Variants in PIRT observed in about 807,000 individuals in gnomAD.
PIRT encodes the protein phosphoinositide-interacting protein.
PIRT carries 6 observed loss-of-function variants against 7.9 expected under a neutral mutation model. The ratio of observed to expected loss-of-function variants is 0.76; its 90% CI spans 0.42 to 1.51. The LOEUF (loss-of-function observed/expected upper bound fraction) is 1.51, where lower values mean the gene tolerates loss of function less well. PIRT is among the 40% of genes most tolerant of loss of function. The pLI is 0.01. For synonymous variants in PIRT, 78 were observed against 71.8 expected (o/e 1.09, Z -0.44); for missense variants, 170 against 172.9 (o/e 0.98, Z 0.09).
At chr17:10,835,191 C>A (rs1905558631) in intron 1 of PIRT, among the ~76,000 whole-genome samples, 1 of 152,184 alleles carries the variant, frequency 6.6e-6, no homozygotes. Context: ...TCCAATGTAC[C>A]TCAGCTGCTT....
At chr17:10,826,552 C>G (rs1270043453) in intron 1 of PIRT, among the ~76,000 whole-genome samples, 1 of 152,242 alleles carries the variant, frequency 6.6e-6, no homozygotes, top group Non-Finnish European at 1.5e-5. Flanking sequence ...GACACTGCAT[C>G]AAACACTTCC....
intron 1 of PIRT, among the ~76,000 whole-genome samples, chr17:10,836,103 A>G (rs1905584488): frequency 6.6e-6 from 1 of 152,082 alleles, no homozygotes; most frequent in African/African-American, 2.4e-5. Flanking sequence ...GGATTTTGCC[A>G]TGTTGGCCAG....
chr17:10,832,203 T>G (rs1474668637), intron 1 of PIRT, among the ~76,000 whole-genome samples: 10 of 152,108 alleles, frequency 6.6e-5, no homozygotes, highest in African/African-American at 1.9e-4. Context: ...TGATTCTTTT[T>G]TTTTTTGAGT....
chr17:10,832,198 C>T (rs1429085978), intron 1 of PIRT, among the ~76,000 whole-genome samples: 1 of 147,788 alleles, frequency 6.8e-6, no homozygotes, highest in South Asian at 2.2e-4. Context: ...CGTTCTGATT[C>T]TTTTTTTTTT....
intron 1 of PIRT, among the ~76,000 whole-genome samples, chr17:10,833,999 C>T (rs2151535863): frequency 6.6e-6 from 1 of 152,136 alleles, no homozygotes; most frequent in South Asian, 2.1e-4. Flanking sequence ...GAACGTGGAA[C>T]AACCCGAGCT....
At chr17:10,830,606 C>G (rs867626954) in intron 1 of PIRT, among the ~76,000 whole-genome samples, 1 of 152,152 alleles carries the variant, frequency 6.6e-6, no homozygotes, top group Non-Finnish European at 1.5e-5. Context: ...TATTTTCTTT[C>G]TGGGTCTCTG....
At chr17:10,830,830 G>A (rs557888591) in intron 1 of PIRT, among the ~76,000 whole-genome samples, 9 of 152,256 alleles carry the variant, frequency 5.9e-5, no homozygotes, top group African/African-American at 1.9e-4. Flanking sequence ...ATTGTGGATT[G>A]GAAAATGGAT....
At chr17:10,832,004 G>T (rs1905474027) in intron 1 of PIRT, among the ~76,000 whole-genome samples, 2 of 152,204 alleles carry the variant, frequency 1.3e-5, no homozygotes. Context: ...CTGGCACCAA[G>T]AAACAGTGCC....
intron 1 of PIRT, among the ~76,000 whole-genome samples, chr17:10,833,251 A>C (rs1905503960): frequency 6.6e-6 from 1 of 152,230 alleles, no homozygotes; most frequent in South Asian, 2.1e-4. Context: ...TAAATGTAAA[A>C]GGTAAAACTA....
intron 1 of PIRT, among the ~76,000 whole-genome samples, chr17:10,836,115 C>T (rs982880123): frequency 1.3e-5 from 2 of 152,188 alleles, no homozygotes; most frequent in African/African-American, 4.8e-5. Flanking sequence ...GTTGGCCAGG[C>T]TGGCCTCGAA....
intron 1 of PIRT, among the ~76,000 whole-genome samples, chr17:10,833,646 C>A (rs891370660): frequency 2.6e-5 from 4 of 151,848 alleles, no homozygotes; most frequent in Admixed American, 1.3e-4. Flanking sequence ...CCCAGCAACT[C>A]GGGAGGCTGA....
chr17:10,824,943 G>C lies in PIRT; in HGVS notation c.*289C>G. The C allele has an allele frequency of 2.4e-6, 1 of 425,346 alleles. No homozygotes were observed. The highest frequency in any genetic ancestry group is 4.2e-6 in the Non-Finnish European group (1 of 237,114). 26.3% of individuals were successfully genotyped at this position (425,346 alleles called of 1,614,324 possible). A position where few individuals can be genotyped will look rare whatever the true frequency, so the allele number is the denominator to read the frequency against. Reference sequence around the variant, plus strand: ...GCATGCATTGCACTTGGCAGAGAGAGTTGGATGAATGATGCCTGGATGCAG... The same window carrying C: ...GCATGCATTGCACTTGGCAGAGAGACTTGGATGAATGATGCCTGGATGCAG... On this transcript the variant is annotated 3_prime_UTR_variant, in exon 2 of 2. Transcript: ENST00000580256.
chr17:10,825,681 G>T lies in PIRT; in HGVS notation c.-36C>A, dbSNP rs1484767249. The stretch of plus-strand genomic sequence containing the variant: ...GACTGGGCGCCTAGGACCAGCAATA[G>T]TTGGAAACAAGAGTGGAGCCAAAGG... On this transcript the variant is annotated 5_prime_UTR_variant, in exon 2 of 2. Transcript: ENST00000580256. The T allele has an allele frequency of 1.4e-6, 2 of 1,449,190 alleles. No homozygotes were observed. The highest frequency in any genetic ancestry group is 1.5e-5 in the South Asian group (1 of 65,682). 89.8% of individuals were successfully genotyped at this position (1,449,190 alleles called of 1,614,324 possible).
chr17:10,825,105 C>A lies in PIRT; in HGVS notation c.*127G>T. 2.4e-6 allele frequency: 3 copies of A among 1,265,420 alleles called. No homozygotes were observed. Among genetic ancestry groups the A allele is most frequent in the Non-Finnish European group, 3.2e-6 (3 of 924,260 alleles). The allele number at this position is 1,265,420 out of a possible 1,614,324, so 78.4% of individuals were successfully genotyped here. A position where few individuals can be genotyped will look rare whatever the true frequency, so the allele number is the denominator to read the frequency against. On this transcript the variant is annotated 3_prime_UTR_variant, in exon 2 of 2. Transcript: ENST00000580256. ...GGTGGAGCCCCAAGCTCTATCTTCCCCACAGGGTCAGGAAGAGCATTTTCC... is the reference window on the plus strand; with the variant it reads ...GGTGGAGCCCCAAGCTCTATCTTCCACACAGGGTCAGGAAGAGCATTTTCC...
chr17:10,825,305 A>T lies in PIRT; in HGVS notation c.341T>A (p.Ile114Asn). 6.2e-7 allele frequency: 1 copy of T among 1,613,904 alleles called. No individual in the cohort carries two copies. The highest frequency in any genetic ancestry group is 8.5e-7 in the Non-Finnish European group (1 of 1,179,858). The change falls in exon 2 of 2, where the codon ATC becomes AAC. Residue 114 changes from isoleucine (I) to asparagine (N), a missense_variant. Physicochemically the swap from Ile to Asn is moderately radical, Grantham distance 149. Transcript: ENST00000580256. ...LVCGLVWVPI[I>N]KKKQKHRQKS... ...CTGTCTGTGCTTCTGTTTCTTTTTG[A>T]TGATGGGCACCCACACCAGCCCGCA...
chr17:10,826,628 T>C (rs775538228), intron 1 of PIRT, among the ~76,000 whole-genome samples: 64 of 152,352 alleles, frequency 4.2e-4, no homozygotes, highest in Non-Finnish European at 7.2e-4. Flanking sequence ...ACTGATGAGA[T>C]AGTGAAGCTT....
chr17:10,833,652 G>A (rs1189294870), intron 1 of PIRT, among the ~76,000 whole-genome samples: 9 of 152,080 alleles, frequency 5.9e-5, no homozygotes, highest in Non-Finnish European at 2.9e-5. Flanking sequence ...AACTCGGGAG[G>A]CTGAGGCATG....
intron 1 of PIRT, among the ~76,000 whole-genome samples, chr17:10,830,956 C>T (rs1381021433): frequency 1.3e-5 from 2 of 152,150 alleles, no homozygotes; most frequent in Non-Finnish European, 2.9e-5. Flanking sequence ...GTTATCATCA[C>T]AATAAAATAT....
chr17:10,829,827 A>G (rs1905419139), intron 1 of PIRT, among the ~76,000 whole-genome samples: 1 of 152,180 alleles, frequency 6.6e-6, no homozygotes, highest in Non-Finnish European at 1.5e-5. Context: ...TTATTCTGAG[A>G]TCATAATGTA....
Sources: allele counts gnomAD v4.1 joint callset (sites outside exome capture counted in the v4.1 genomes callset), GRCh38; gene constraint gnomAD v4.1.1; transcripts MANE v1.5; gene names NCBI Gene and HGNC (gene_info 2026-07-23, HGNC 2026-07-21).